The following PCDHA12 variants were observed in gnomAD, a reference collection of about 807,000 sequenced individuals.
PCDHA12 encodes the protein protocadherin alpha-12.
Under a neutral mutation model 60.0 loss-of-function variants are expected in PCDHA12, and 44 were observed. The ratio of observed to expected loss-of-function variants is 0.73; its 90% CI spans 0.58 to 0.94. PCDHA12 has a LOEUF of 0.94. Ranked by LOEUF, PCDHA12 falls within the 40% of genes least tolerant of loss-of-function variation. PCDHA12 has a pLI of 0.00. For synonymous variants in PCDHA12, 569 were observed against 553.0 expected (o/e 1.03, Z -0.40); for missense variants, 1,276 against 1,239.7 (o/e 1.03, Z -0.44).
At chr5:140,929,782 A>G (rs574140858) in intron 1 of PCDHA12, 12 of 168,464 alleles carry the variant, frequency 7.1e-5, no homozygotes, top group Non-Finnish European at 1.6e-4. Context: ...AGATGTAAAA[A>G]TAAATTACAA....
intron 1 of PCDHA12, among the ~76,000 whole-genome samples, chr5:140,902,299 A>G (rs2069363932): frequency 6.6e-6 from 1 of 150,916 alleles, no homozygotes; most frequent in Admixed American, 6.6e-5. Flanking sequence ...CAGCCTCCCA[A>G]AGTGCTGGGA....
rs1368766918 is a variant in PCDHA12 at position 141,010,867 on chromosome 5, A to G, written c.*930A>G. 4.6e-5 allele frequency: 7 copies of G among 153,798 alleles called. No homozygotes were observed. The highest frequency in any genetic ancestry group is 3.3e-4 in the Admixed American group (5 of 15,292). 9.5% of individuals were successfully genotyped at this position (153,798 alleles called of 1,614,324 possible). A position where few individuals can be genotyped will look rare whatever the true frequency, so the allele number is the denominator to read the frequency against. On this transcript the variant is annotated 3_prime_UTR_variant, in exon 4 of 4. Coordinates refer to ENST00000398631, the MANE Select transcript of PCDHA12 (RefSeq NM_018903.4). Reference sequence around the variant, plus strand: ...TTAAAAAAAGAGAAAGTCTATAGCTATAAATCTTTAAAGAGAAATATGAAT... The same window carrying G: ...TTAAAAAAAGAGAAAGTCTATAGCTGTAAATCTTTAAAGAGAAATATGAAT...
intron 1 of PCDHA12, among the ~76,000 whole-genome samples, chr5:140,935,777 T>C (rs1306193430): frequency 6.6e-6 from 1 of 152,190 alleles, no homozygotes; most frequent in African/African-American, 2.4e-5. Flanking sequence ...TTTGAGTTTT[T>C]TCACTTAAAA....
At chr5:140,896,572 T>C (rs1208639295) in intron 1 of PCDHA12, among the ~76,000 whole-genome samples, 5 of 152,002 alleles carry the variant, frequency 3.3e-5, no homozygotes, top group Admixed American at 3.3e-4. Context: ...AGATGGGGTT[T>C]TGACGTGTTG....
rs562713934 is a variant in PCDHA12, at chr5:140,967,172, G to A, written c.2368-11777G>A. 1.1e-5 allele frequency: 17 copies of A among 1,612,080 alleles called. No individual in the cohort carries two copies. The highest frequency in any genetic ancestry group is 2.2e-5 in the East Asian group (1 of 44,778). On this transcript the variant is annotated intron_variant, in intron 1 of 3. Coordinates refer to ENST00000398631, the MANE Select transcript of PCDHA12 (RefSeq NM_018903.4). ...CCCCGTGGCGGTGAGCGCCGTTGAG[G>A]TGGAAATATTGGACATCAACGACAA...
intron 1 of PCDHA12, among the ~76,000 whole-genome samples, chr5:140,896,511 C>T (rs1344026446): frequency 6.6e-6 from 1 of 151,744 alleles, no homozygotes; most frequent in Non-Finnish European, 1.5e-5. Context: ...TGTGCAGGCA[C>T]ACACCACAAA....
chr5:140,941,828 A>T (rs2093176954), intron 1 of PCDHA12, among the ~76,000 whole-genome samples: 1 of 152,218 alleles, frequency 6.6e-6, no homozygotes, highest in Non-Finnish European at 1.5e-5. Flanking sequence ...TGCTGTAAAT[A>T]ATTTAGGCTG....
intron 1 of PCDHA12, among the ~76,000 whole-genome samples, chr5:140,972,289 G>A (rs548610825): frequency 1.5e-3 from 229 of 151,134 alleles, no homozygotes; most frequent in Non-Finnish European, 2.1e-3. Flanking sequence ...ATAGATGTGC[G>A]CCACCGTGTC....
intron 1 of PCDHA12, among the ~76,000 whole-genome samples, chr5:140,952,252 A>T (rs1230858145): frequency 6.6e-6 from 1 of 151,034 alleles, no homozygotes; most frequent in Admixed American, 6.6e-5. Context: ...CTGCTGGTGG[A>T]TTCCCATTCT....
intron 1 of PCDHA12, among the ~76,000 whole-genome samples, chr5:140,964,573 G>A (rs191009049): frequency 3.0e-4 from 45 of 152,274 alleles, no homozygotes; most frequent in African/African-American, 1.9e-4. Flanking sequence ...GAGGAGATAA[G>A]GGGAGGAAAG....
chr5:140,882,265 T>C, intron 1 of PCDHA12: 1 of 1,609,948 alleles, frequency 6.2e-7, no homozygotes, highest in Non-Finnish European at 8.5e-7. Flanking sequence ...TTTTGGAGTG[T>C]ACCATGCTGT....
intron 1 of PCDHA12, chr5:140,967,421 C>T (rs2096138629): frequency 6.2e-7 from 1 of 1,613,120 alleles, no homozygotes; most frequent in Non-Finnish European, 8.5e-7. Context: ...AGACCGGGAG[C>T]AGGCAGCCTT....
intron 3 of PCDHA12, among the ~76,000 whole-genome samples, chr5:140,994,381 C>T (rs1339661887): frequency 6.6e-6 from 1 of 152,086 alleles, no homozygotes; most frequent in East Asian, 1.9e-4. Context: ...ATTCAGGGGA[C>T]TAAGTCAGAG....
At chr5:140,989,153 A>C (rs1409258920) in intron 3 of PCDHA12, among the ~76,000 whole-genome samples, 2 of 152,186 alleles carry the variant, frequency 1.3e-5, no homozygotes, top group Non-Finnish European at 2.9e-5. Flanking sequence ...CTTTTGTTTA[A>C]GAGTGTTGCA....
intron 1 of PCDHA12, among the ~76,000 whole-genome samples, chr5:140,946,059 G>GA (rs2093880331): frequency 6.6e-6 from 1 of 152,156 alleles, no homozygotes; most frequent in East Asian, 1.9e-4. Flanking sequence ...CAGAATGGGA[G>GA]AAAATATTTG....
At chr5:140,922,715 G>A (rs1221596173) in intron 1 of PCDHA12, among the ~76,000 whole-genome samples, 1 of 152,038 alleles carries the variant, frequency 6.6e-6, no homozygotes, top group East Asian at 1.9e-4. Flanking sequence ...AGAACAAAAA[G>A]AAACACTTGA....
At chr5:140,918,155 A>T (rs1453787502) in intron 1 of PCDHA12, among the ~76,000 whole-genome samples, 1 of 152,054 alleles carries the variant, frequency 6.6e-6, no homozygotes, top group Admixed American at 6.5e-5. Flanking sequence ...GTGTATGTCT[A>T]TTGTAAATGG....
chr5:140,884,158 G>A (rs376345503), intron 1 of PCDHA12: 8 of 1,613,488 alleles, frequency 5.0e-6, no homozygotes, highest in African/African-American at 1.3e-5. Context: ...ACACTGGCGA[G>A]ATCAGCACGA....
chr5:140,907,163 T>C (rs1019409387), intron 1 of PCDHA12, among the ~76,000 whole-genome samples: 1 of 152,162 alleles, frequency 6.6e-6, no homozygotes, highest in Non-Finnish European at 1.5e-5. Context: ...TACCATATAT[T>C]GGATGCTGAT....
Sources: gnomAD v4.1 joint callset for allele counts (sites outside exome capture counted in the v4.1 genomes callset) on GRCh38, gnomAD v4.1.1 for gene constraint, MANE v1.5 for transcripts, NCBI Gene and HGNC (gene_info 2026-07-23, HGNC 2026-07-21) for gene names.